The following TENT4A variants were observed in gnomAD, a reference collection of about 807,000 sequenced individuals.
TENT4A encodes DNA polymerase kappa.
A neutral mutation model predicts 72.8 loss-of-function variants in TENT4A; 7 were observed. That is an observed-to-expected ratio of 0.10 (90% confidence interval 0.05 to 0.18). The LOEUF (loss-of-function observed/expected upper bound fraction) is 0.18. TENT4A is among the 10% of genes least tolerant of loss of function. TENT4A has a pLI of 1.00. For synonymous variants in TENT4A, 456 were observed against 434.3 expected (o/e 1.05, Z -0.62); for missense variants, 831 against 1,017.7 (o/e 0.82, Z 2.50).
intron 12 of TENT4A, among the ~76,000 whole-genome samples, chr5:6,754,131 G>T (rs1190045179): frequency 6.6e-6 from 1 of 152,234 alleles, no homozygotes; most frequent in Non-Finnish European, 1.5e-5. Context: ...GTTCTTTCTA[G>T]AAGGTCACAG....
chr5:6,742,411 A>T, intron 4 of TENT4A, 79 bp from the exon 5 acceptor site: 1 of 885,098 alleles, frequency 1.1e-6, no homozygotes, highest in Non-Finnish European at 1.9e-6. Flanking sequence ...AAACCTCTGT[A>T]CAGCTTTGGC....
rs1240858716 is a variant in TENT4A at position 6,750,572 on chromosome 5, G to A, written c.1860+69G>A. Reference sequence around the variant, plus strand: ...GTCTCTGGTAAATGTCCATAGCCGCGAGCTTAAAATCTCCCCCTTGGTTTT... The same window carrying A: ...GTCTCTGGTAAATGTCCATAGCCGCAAGCTTAAAATCTCCCCCTTGGTTTT... On this transcript the variant is annotated intron_variant, in intron 10 of 12. Transcript: ENST00000230859. The A allele has an allele frequency of 5.0e-6, 7 of 1,388,294 alleles. No individual in the cohort carries two copies. The Admixed American group carries it at 7.6e-5, about 15-fold the overall frequency. 86.0% of individuals were successfully genotyped at this position (1,388,294 alleles called of 1,614,324 possible).
At chr5:6,716,589 T>C (rs1354615963) in intron 1 of TENT4A, among the ~76,000 whole-genome samples, 1 of 152,198 alleles carries the variant, frequency 6.6e-6, no homozygotes, top group African/African-American at 2.4e-5. Flanking sequence ...CCAGCAGGTC[T>C]GGTCAGATTC....
chr5:6,718,614 A>G (rs1740501172), intron 1 of TENT4A, among the ~76,000 whole-genome samples: 1 of 152,248 alleles, frequency 6.6e-6, no homozygotes, highest in Admixed American at 6.5e-5. Flanking sequence ...CACTAAGCAG[A>G]TACTTGCTCC....
At chr5:6,753,058 A>C (rs199544101) in intron 12 of TENT4A, 21 bp downstream of exon 12, 1 of 1,582,652 alleles carries the variant, frequency 6.3e-7, no homozygotes, top group African/African-American at 1.3e-5. Context: ...GTCCTGGTGC[A>C]TTCACCTACC....
chr5:6,753,435 C>T (rs1742521374), intron 12 of TENT4A, among the ~76,000 whole-genome samples: 1 of 152,232 alleles, frequency 6.6e-6, no homozygotes, highest in Non-Finnish European at 1.5e-5. Flanking sequence ...TGCTGTCATT[C>T]CCACGTTGCC....
chr5:6,753,153 G>A, intron 12 of TENT4A, 116 bp downstream of exon 12: 1 of 1,083,534 alleles, frequency 9.2e-7, no homozygotes, highest in Admixed American at 2.5e-5. Flanking sequence ...AACGGAATTT[G>A]CTTTGTTGTC....
chr5:6,734,081 T>G (rs1741343975), intron 1 of TENT4A, among the ~76,000 whole-genome samples: 1 of 152,168 alleles, frequency 6.6e-6, no homozygotes, highest in East Asian at 1.9e-4. Context: ...GATTGATTGA[T>G]TCCATGCACA....
At chr5:6,716,933 C>T (rs745851596) in intron 1 of TENT4A, among the ~76,000 whole-genome samples, 5 of 152,198 alleles carry the variant, frequency 3.3e-5, no homozygotes, top group African/African-American at 9.6e-5. Context: ...CGCTTCCTGC[C>T]GTCTCTGCCC....
Position 6,751,055 on chromosome 5 carries a change from C to T in TENT4A, c.1877C>T (p.Pro626Leu), listed in dbSNP as rs1025148959. Reference sequence around the variant, plus strand: ...GGGTTCAAGGATTCAGACACACCGCCCTGCACAACGCCCAGTGTTTACCAG... The same window carrying T: ...GGGTTCAAGGATTCAGACACACCGCTCTGCACAACGCCCAGTGTTTACCAG... ...SGSDVDSDTP[P>L]CTTPSVYQFS... Residue 626 changes from proline to leucine, a missense_variant, in exon 11 of 13, where the codon CCC becomes CTC. By Grantham distance (98) the Pro-to-Leu change is moderately conservative. This residue lies in a region of TENT4A where 332 missense variants were observed against 324.3 expected (regional missense o/e 1.02). Coordinates refer to ENST00000230859, the MANE Select transcript of TENT4A (RefSeq NM_006999.6). 3.7e-6 allele frequency: 6 copies of T among 1,614,056 alleles called. No homozygotes were observed. The African/African-American group carries it at 6.7e-5, about 18-fold the overall frequency.
rs1204914333 is a variant in TENT4A, at chr5:6,713,934, G to C, written c.-50G>C. 3 of 790,462 alleles carry C rather than the reference G, an allele frequency of 3.8e-6. No homozygotes were observed. The highest frequency in any genetic ancestry group is 4.6e-6 in the Non-Finnish European group (3 of 655,242). The allele number at this position is 790,462 out of a possible 1,614,324, so 49.0% of individuals were successfully genotyped here. A position where few individuals can be genotyped will look rare whatever the true frequency, so the allele number is the denominator to read the frequency against. ...GGGCCTCGGGGCGCGGCGGGGGCGG[G>C]GCCGCGTCGGGGCGGGCGGGCGCGC... On this transcript the variant is annotated 5_prime_UTR_variant, in exon 1 of 13. Transcript: ENST00000230859.
chr5:6,714,101 T>C lies in TENT4A; in HGVS notation c.118T>C (p.Tyr40His). Residue 40 changes from tyrosine to histidine, a missense_variant, in exon 1 of 13, where the codon TAT becomes CAT. Physicochemically the swap from Tyr to His is moderately conservative, Grantham distance 83. Around this residue, in one of 3 missense-constraint regions of TENT4A, gnomAD observed 302 missense variants for 293.8 expected, o/e 1.03. Transcript: ENST00000230859. ...CCGCGGCGGCTCGGGCTTCGCGTCC[T>C]ATTTCTGCCTCAACTCGCCGGCGCT... is the stretch of plus-strand genomic sequence containing the variant. The part of the protein sequence containing the change: ...VGRGGSGFAS[Y>H]FCLNSPALDT... 1 of 982,312 alleles carries C rather than the reference T, an allele frequency of 1.0e-6. No individual in the cohort carries two copies. The highest frequency in any genetic ancestry group is 1.2e-6 in the Non-Finnish European group (1 of 829,990). The allele number at this position is 982,312 out of a possible 1,614,324, so 60.8% of individuals were successfully genotyped here. A position where few individuals can be genotyped will look rare whatever the true frequency, so the allele number is the denominator to read the frequency against.
At chr5:6,730,017 A>G (rs184272018) in intron 1 of TENT4A, among the ~76,000 whole-genome samples, 1 of 152,264 alleles carries the variant, frequency 6.6e-6, no homozygotes, top group African/African-American at 2.4e-5. Context: ...TCTGTAGCTT[A>G]ATTATTACAG....
At chr5:6,733,551 G>A (rs192443) in intron 1 of TENT4A, among the ~76,000 whole-genome samples, 1 of 152,110 alleles carries the variant, frequency 6.6e-6, no homozygotes, top group African/African-American at 2.4e-5. Flanking sequence ...TATTGATGAC[G>A]GGTCTGTGGA....
At chr5:6,746,026 G>A in intron 6 of TENT4A, 188 bp from the exon 7 acceptor site, 2 of 1,445,956 alleles carry the variant, frequency 1.4e-6, no homozygotes, top group African/African-American at 1.4e-5. Flanking sequence ...TGAGTCCGTT[G>A]TGTTCCTTTT....
intron 7 of TENT4A, among the ~76,000 whole-genome samples, 187 bp downstream of exon 7, chr5:6,746,614 T>G (rs1213050606): frequency 6.6e-6 from 1 of 152,258 alleles, no homozygotes; most frequent in Non-Finnish European, 1.5e-5. Flanking sequence ...AATTAACTTT[T>G]GTCTTTCTAA....
At chr5:6,729,700 G>A (rs1012307599) in intron 1 of TENT4A, among the ~76,000 whole-genome samples, 1 of 152,198 alleles carries the variant, frequency 6.6e-6, no homozygotes, top group Non-Finnish European at 1.5e-5. Flanking sequence ...TTCAGAGTCT[G>A]TGGGCCCTTG....
intron 1 of TENT4A, among the ~76,000 whole-genome samples, chr5:6,733,404 T>C (rs1432472323): frequency 6.6e-6 from 1 of 152,256 alleles, no homozygotes; most frequent in Non-Finnish European, 1.5e-5. Flanking sequence ...GGGCTCTCAC[T>C]GTGTCCTCCT....
intron 6 of TENT4A, among the ~76,000 whole-genome samples, 192 bp downstream of exon 6, chr5:6,744,032 A>C (rs1741956574): frequency 6.6e-6 from 1 of 152,198 alleles, no homozygotes; most frequent in Admixed American, 6.5e-5. Context: ...CTCATTTTGT[A>C]CTGGGTGTAA....
Sources: gnomAD v4.1 joint callset for allele counts (sites outside exome capture counted in the v4.1 genomes callset) on GRCh38, gnomAD v4.1.1 for gene constraint, gnomAD v4.1.1 regional missense constraint, MANE v1.5 for transcripts, NCBI Gene and HGNC (gene_info 2026-07-23, HGNC 2026-07-21) for gene names.